Variants in SORCS1 observed in about 807,000 individuals in gnomAD.
SORCS1 encodes VPS10 domain-containing receptor SorCS1.
In SORCS1, 60 loss-of-function variants were observed where a neutral mutation model predicts 146.1. The observed-to-expected ratio is 0.41, with a 90% CI of 0.33 to 0.51. The LOEUF (loss-of-function observed/expected upper bound fraction) is 0.51. SORCS1 is among the 20% of genes least tolerant of loss of function. SORCS1 has a pLI of 0.21. For missense variants in SORCS1, 1,352 were observed against 1,487.6 expected (o/e 0.91, Z 1.50); for synonymous variants, 637 against 584.0 (o/e 1.09, Z -1.31).
At chr10:106,910,042 T>C (rs1373043343) in intron 2 of SORCS1, among the ~76,000 whole-genome samples, 5 of 152,222 alleles carry the variant, frequency 3.3e-5, no homozygotes, top group African/African-American at 1.2e-4. Context: ...TGCCTCTCTG[T>C]TTCAGCAAGG....
chr10:107,130,931 A>G (rs1178603170), intron 1 of SORCS1, among the ~76,000 whole-genome samples: 1 of 152,190 alleles, frequency 6.6e-6, no homozygotes, highest in Admixed American at 6.5e-5. Flanking sequence ...GGAGCCATTA[A>G]GCAATAACTC....
At chr10:107,152,381 A>G (rs1968882206) in intron 1 of SORCS1, among the ~76,000 whole-genome samples, 1 of 152,166 alleles carries the variant, frequency 6.6e-6, no homozygotes, top group Non-Finnish European at 1.5e-5. Context: ...TAGTGGAGCT[A>G]TGAGAAGAGA....
Position 106,618,245 on chromosome 10 carries a change from A to G in SORCS1, c.2824T>C (p.Ser942Pro). Residue 942 changes from serine to proline, a missense_variant, in exon 21 of 26, where the codon TCC (serine) becomes CCC (proline). By Grantham distance (74) the Ser-to-Pro change is moderately conservative (BLOSUM62 -1). Transcript: ENST00000263054. The stretch of plus-strand genomic sequence containing the variant: ...ATTCCTTCTGAAGTAAATCTGAAGG[A>G]TATGCTTCCCTCCAAGGTGATCAAA... Reference protein sequence around the residue: ...EPLITLEGSISFRFTSEGMNT... With the variant: ...EPLITLEGSIPFRFTSEGMNT... 1 of 1,614,076 alleles carries G rather than the reference A, an allele frequency of 6.2e-7. No individual in the cohort carries two copies. The highest frequency in any genetic ancestry group is 8.5e-7 in the Non-Finnish European group (1 of 1,179,962).
intron 9 of SORCS1, among the ~76,000 whole-genome samples, chr10:106,692,709 A>C (rs1173085731): frequency 6.6e-6 from 1 of 152,178 alleles, no homozygotes; most frequent in Non-Finnish European, 1.5e-5. Context: ...GAACATCCCT[A>C]ATCCAGAAAT....
chr10:106,874,481 C>A (rs1337114300), intron 2 of SORCS1, among the ~76,000 whole-genome samples: 1 of 152,176 alleles, frequency 6.6e-6, no homozygotes, highest in Non-Finnish European at 1.5e-5. Flanking sequence ...ATAAAACAAG[C>A]AAGGATCCTA....
At chr10:107,111,956 C>T (rs1027961637) in intron 1 of SORCS1, among the ~76,000 whole-genome samples, 8 of 152,044 alleles carry the variant, frequency 5.3e-5, no homozygotes, top group African/African-American at 1.9e-4. Context: ...TGCCAACTAA[C>T]AATATTATAC....
intron 3 of SORCS1, among the ~76,000 whole-genome samples, chr10:106,801,105 A>G (rs984765710): frequency 6.6e-6 from 1 of 152,226 alleles, no homozygotes; most frequent in Non-Finnish European, 1.5e-5. Flanking sequence ...TGATGATTGA[A>G]TGGACAAACA....
intron 22 of SORCS1, among the ~76,000 whole-genome samples, chr10:106,610,155 C>T (rs1446926244): frequency 6.6e-6 from 1 of 152,030 alleles, no homozygotes; most frequent in Admixed American, 6.6e-5. Flanking sequence ...AGGTGGGTGG[C>T]ATTGCTCAGA....
Position 106,688,202 on chromosome 10 carries a change from T to G in SORCS1, c.1550A>C (p.His517Pro). 6.2e-7 allele frequency: 1 copy of G among 1,613,638 alleles called. No individual in the cohort carries two copies. Among genetic ancestry groups the G allele is most frequent in the South Asian group, 1.1e-5 (1 of 91,014 alleles). ...PDTDLRGDPV[H>P]CLLPYCSLHL... ...AATAGGAAGACTCACCAGCAAGCAG[T>G]GCACGGGGTCCCCCCTTAGATCCGT... Residue 517 changes from histidine (H) to proline (P), a missense_variant, in exon 10 of 26, where the codon CAC (histidine) becomes CCC (proline). Coordinates refer to ENST00000263054, the MANE Select transcript of SORCS1 (RefSeq NM_052918.5).
intron 18 of SORCS1, among the ~76,000 whole-genome samples, chr10:106,637,220 A>G (rs1411557298): frequency 6.6e-6 from 1 of 152,222 alleles, no homozygotes; most frequent in Non-Finnish European, 1.5e-5. Context: ...GCAGCTGCAC[A>G]TGCCCTATCT....
At chr10:106,935,375 T>G (rs1054337338) in intron 2 of SORCS1, among the ~76,000 whole-genome samples, 1 of 152,184 alleles carries the variant, frequency 6.6e-6, no homozygotes, top group African/African-American at 2.4e-5. Context: ...TATTCTAATA[T>G]TTACCATTTT....
intron 1 of SORCS1, among the ~76,000 whole-genome samples, chr10:107,054,591 T>C (rs1283257160): frequency 3.9e-5 from 6 of 152,154 alleles, no homozygotes; most frequent in Non-Finnish European, 5.9e-5. Flanking sequence ...AGGATAACCA[T>C]GGAAATGTCA....
chr10:106,722,446 G>A (rs1055646165), intron 6 of SORCS1, among the ~76,000 whole-genome samples: 22 of 152,108 alleles, frequency 1.4e-4, no homozygotes, highest in African/African-American at 5.3e-4. Flanking sequence ...CAGAATTAGT[G>A]GGATGCATAG....
intron 3 of SORCS1, among the ~76,000 whole-genome samples, chr10:106,789,472 T>C (rs1308253029): frequency 6.6e-6 from 1 of 152,182 alleles, no homozygotes; most frequent in Non-Finnish European, 1.5e-5. Context: ...CCCTAAATCA[T>C]CTCTCTCAAG....
At chr10:107,047,509 A>T (rs914548813) in intron 1 of SORCS1, among the ~76,000 whole-genome samples, 5 of 152,144 alleles carry the variant, frequency 3.3e-5, no homozygotes, top group Admixed American at 2.6e-4. Flanking sequence ...TATTTTACGT[A>T]AGGAAAATGG....
chr10:106,744,947 T>A (rs1185983117), intron 5 of SORCS1, among the ~76,000 whole-genome samples: 1 of 152,116 alleles, frequency 6.6e-6, no homozygotes, highest in Non-Finnish European at 1.5e-5. Flanking sequence ...AGAAAGTGCA[T>A]TTGCTTCTGA....
chr10:106,723,420 G>T (rs896915639), intron 6 of SORCS1, among the ~76,000 whole-genome samples: 7 of 105,056 alleles, frequency 6.7e-5, no homozygotes, highest in Non-Finnish European at 1.6e-4. Context: ...CACACACACA[G>T]AATATTTAAA....
intron 9 of SORCS1, among the ~76,000 whole-genome samples, chr10:106,691,983 C>T (rs1317291744): frequency 6.6e-6 from 1 of 152,160 alleles, no homozygotes; most frequent in African/African-American, 2.4e-5. Context: ...GTCATTCACT[C>T]CACCAACCTG....
chr10:107,162,814 G>T (rs558681963), intron 1 of SORCS1, among the ~76,000 whole-genome samples: 1 of 152,324 alleles, frequency 6.6e-6, no homozygotes, highest in African/African-American at 2.4e-5. Context: ...GTTTTGAAAG[G>T]TTCCAGACTG....
Sources: allele counts gnomAD v4.1 joint callset (sites outside exome capture counted in the v4.1 genomes callset), GRCh38; gene constraint gnomAD v4.1.1; transcripts MANE v1.5; gene names NCBI Gene and HGNC (gene_info 2026-07-23, HGNC 2026-07-21).